CSTL1: variants seen among roughly 807,000 people sequenced by gnomAD.
The protein encoded by CSTL1 is cystatin-like 1.
CSTL1 carries 14 observed loss-of-function variants against 14.4 expected under a neutral mutation model. That is an observed-to-expected ratio of 0.97 (90% CI 0.64 to 1.52). CSTL1 has a LOEUF of 1.52. Ranked by LOEUF, CSTL1 falls within the 40% of genes most tolerant of loss-of-function variation. CSTL1 has a pLI of 0.00. For missense variants in CSTL1, 170 were observed against 168.7 expected (o/e 1.01, Z -0.04); for synonymous variants, 72 against 67.5 (o/e 1.07, Z -0.33).
intron 1 of CSTL1, 58 bp from the exon 2 acceptor site, chr20:23,440,086 A>G (rs1986788989): frequency 4.6e-6 from 3 of 653,042 alleles, no homozygotes. Context: ...TGGGTAGAAA[A>G]TGAACTGGCT....
chr20:23,451,656 A>G, the CSTL1 span, among the ~76,000 whole-genome samples: 17 of 152,138 alleles, frequency 1.1e-4, no homozygotes, highest in Non-Finnish European at 2.4e-4. Context: ...GGCTGTCTCC[A>G]CCTTTGCTTT....
rs1235649607 is a variant in CSTL1 at position 23,440,222 on chromosome 20, C to T, written c.-46C>T. On this transcript the variant is annotated 5_prime_UTR_variant, in exon 2 of 4. Transcript: ENST00000347397. The stretch of plus-strand genomic sequence containing the variant: ...AGTGAACTGCAGCCTGGCACCACCA[C>T]ACCCTGGAAGGTGCAGTTGGGAAGA... The T allele has an allele frequency of 6.3e-7, 1 of 1,597,210 alleles. No individual in the cohort carries two copies. Among genetic ancestry groups the T allele is most frequent in the Non-Finnish European group, 8.6e-7 (1 of 1,166,478 alleles).
At position 23,440,180 on chromosome 20, in the gene CSTL1, G is replaced by T. The variant is rs1341416456; in HGVS notation, c.-88G>T. 1.0e-5 allele frequency: 14 copies of T among 1,384,128 alleles called. No homozygotes were observed. The highest frequency in any genetic ancestry group is 5.2e-5 in the Admixed American group (3 of 58,056). The allele number at this position is 1,384,128 out of a possible 1,614,324, so 85.7% of individuals were successfully genotyped here. A position where few individuals can be genotyped will look rare whatever the true frequency, so the allele number is the denominator to read the frequency against. On this transcript the variant is annotated 5_prime_UTR_variant, in exon 2 of 4. Transcript: ENST00000347397. ...CCCAGGAAAGCCTATGTTGGTGAGG[G>T]TTATGATGGGAGAATGAGTGAACTG...
At chr20:23,450,644 G>A in the CSTL1 span, 3 of 1,358,344 alleles carry the variant, frequency 2.2e-6, no homozygotes, top group Non-Finnish European at 3.1e-6. Flanking sequence ...AATTTAAAAG[G>A]AGAAGGAAGA....
chr20:23,457,229 T>A, the CSTL1 span, among the ~76,000 whole-genome samples: 1 of 152,290 alleles, frequency 6.6e-6, no homozygotes, highest in African/African-American at 2.4e-5. Context: ...AGCCGCTTCT[T>A]GGCTGCCTGG....
chr20:23,443,778 A>G (rs2123314803), intron 2 of CSTL1, among the ~76,000 whole-genome samples, 156 bp from the exon 3 acceptor site: 1 of 152,322 alleles, frequency 6.6e-6, no homozygotes, highest in Non-Finnish European at 1.5e-5. Context: ...CCCTCCAGCC[A>G]GAAGTAAGGA....
the CSTL1 span, among the ~76,000 whole-genome samples, chr20:23,456,265 T>G: frequency 6.6e-6 from 1 of 152,246 alleles, no homozygotes; most frequent in South Asian, 2.1e-4. Flanking sequence ...ATCCAGTTAT[T>G]GAAATGCTAG....
At chr20:23,449,661 G>C (rs1425841112), downstream of CSTL1, among the ~76,000 whole-genome samples, 1 of 152,150 alleles carries the variant, frequency 6.6e-6, no homozygotes, top group Non-Finnish European at 1.5e-5. Flanking sequence ...GTTGGGGGAT[G>C]CTTCCTCCCG....
chr20:23,455,542 A>C, the CSTL1 span, among the ~76,000 whole-genome samples: 1 of 152,220 alleles, frequency 6.6e-6, no homozygotes, highest in African/African-American at 2.4e-5. Flanking sequence ...GCTCACAAAG[A>C]ATCCCTCCTG....
chr20:23,460,961 C>T, the CSTL1 span, among the ~76,000 whole-genome samples: 2 of 152,182 alleles, frequency 1.3e-5, no homozygotes, highest in Non-Finnish European at 2.9e-5. Context: ...GATGTTAAAA[C>T]TTCACCGTGG....
chr20:23,451,953 T>C, the CSTL1 span: 2 of 1,514,980 alleles, frequency 1.3e-6, no homozygotes, highest in African/African-American at 1.4e-5. Flanking sequence ...AGGCACAGCT[T>C]GTCCCCTTCT....
the CSTL1 span, among the ~76,000 whole-genome samples, chr20:23,454,142 ACT>A: frequency 2.6e-5 from 4 of 151,780 alleles, no homozygotes; most frequent in African/African-American, 9.7e-5. Context: ...ACACAACCAC[ACT>A]CACACTGAAA....
chr20:23,441,603 TATA>T (rs1433499550), intron 2 of CSTL1, among the ~76,000 whole-genome samples: 2 of 152,174 alleles, frequency 1.3e-5, no homozygotes, highest in Non-Finnish European at 2.9e-5. Flanking sequence ...CTAGATTAAT[TATA>T]ATAAGTGGTA....
the CSTL1 span, among the ~76,000 whole-genome samples, chr20:23,453,420 C>A: frequency 6.6e-6 from 1 of 152,160 alleles, no homozygotes; most frequent in African/African-American, 2.4e-5. Flanking sequence ...CTCCGCTGGA[C>A]TTGCATGTTT....
Position 23,440,139 on chromosome 20 carries a change from TGCAG to T in CSTL1, c.-122_-119del. ...GTTCAGGTCTGAATCTCTGTTTAAA[TGCAG>T]GCAGGCCATCCCCCAGGAAAGCCTA... is the stretch of plus-strand genomic sequence containing the variant. On this transcript the variant is annotated splice_acceptor_variant and splice_polypyrimidine_tract_variant and intron_variant, in intron 1 of 3. Transcript: ENST00000347397. LOFTEE classifies it low-confidence loss of function (5UTR_SPLICE). The T allele has an allele frequency of 1.2e-6, 1 of 851,354 alleles. No homozygotes were observed. Among genetic ancestry groups the T allele is most frequent in the Non-Finnish European group, 1.9e-6 (1 of 534,088 alleles). 52.7% of individuals were successfully genotyped at this position (851,354 alleles called of 1,614,324 possible). A position where few individuals can be genotyped will look rare whatever the true frequency, so the allele number is the denominator to read the frequency against.
Position 23,444,001 on chromosome 20 carries a change from C to A in CSTL1, c.287C>A (p.Thr96Lys). The A allele has an allele frequency of 6.2e-7, 1 of 1,613,982 alleles. No individual in the cohort carries two copies. Among genetic ancestry groups the A allele is most frequent in the Non-Finnish European group, 8.5e-7 (1 of 1,179,882 alleles). Reference sequence around the variant, plus strand: ...TGGACCAAATGCAAGAGGAATGACACGAGCAATTCTTCCTGCCCCCTGCAA... The same window carrying A: ...TGGACCAAATGCAAGAGGAATGACAAGAGCAATTCTTCCTGCCCCCTGCAA... ...IGWTKCKRND[T>K]SNSSCPLQSK... is the part of the protein sequence containing the mutation. The change falls in exon 3 of 4, where the codon ACG (threonine) becomes AAG (lysine). Residue 96 changes from threonine (T) to lysine (K), a missense_variant. Physicochemically the swap from Thr to Lys is moderately conservative, Grantham distance 78 (BLOSUM62 -1). Transcript: ENST00000347397.
downstream of CSTL1, among the ~76,000 whole-genome samples, chr20:23,448,397 G>T (rs1018108124): frequency 6.6e-6 from 1 of 152,188 alleles, no homozygotes; most frequent in Non-Finnish European, 1.5e-5. Context: ...AGAGCTCTCC[G>T]GCGATGGAGC....
chr20:23,449,810 G>C (rs967590504), downstream of CSTL1, among the ~76,000 whole-genome samples: 1 of 152,186 alleles, frequency 6.6e-6, no homozygotes. Flanking sequence ...TTGTCACCAG[G>C]TCTGCCTCCT....
the CSTL1 span, among the ~76,000 whole-genome samples, chr20:23,455,264 T>A: frequency 6.6e-6 from 1 of 152,230 alleles, no homozygotes; most frequent in Non-Finnish European, 1.5e-5. Flanking sequence ...TCTTGTGTGC[T>A]TAAACCACCA....
Sources: gnomAD v4.1 joint callset for allele counts (sites outside exome capture counted in the v4.1 genomes callset) on GRCh38, gnomAD v4.1.1 for gene constraint, MANE v1.5 for transcripts, NCBI Gene and HGNC (gene_info 2026-07-23, HGNC 2026-07-21) for gene names.